Variants in EYS observed in about 807,000 individuals in gnomAD.
EYS encodes the protein EGF-like photoreceptor maintenance factor, also known as protein eyes shut homolog.
Under a neutral mutation model 282.1 loss-of-function variants are expected in EYS, and 250 were observed. The ratio of observed to expected loss-of-function variants is 0.89; its 90% confidence interval spans 0.80 to 0.98. EYS has a LOEUF of 0.98. EYS is among the 50% of genes least tolerant of loss of function. The probability of loss-of-function intolerance (pLI) is 0.00; values close to 1 mark genes in which losing one functional copy is unlikely to be tolerated. For missense variants in EYS, 4,016 were observed against 3,709.0 expected (o/e 1.08, Z -2.15); for synonymous variants, 1,355 against 1,282.9 (o/e 1.06, Z -1.20).
intron 35 of EYS, among the ~76,000 whole-genome samples, chr6:63,901,385 A>G (rs1773655323): frequency 6.6e-6 from 1 of 152,222 alleles, no homozygotes; most frequent in Non-Finnish European, 1.5e-5. Context: ...CGAGATGTAT[A>G]GGATAATATG....
chr6:65,416,806 CAA>C (rs1192271320), intron 5 of EYS, among the ~76,000 whole-genome samples: 5 of 152,038 alleles, frequency 3.3e-5, no homozygotes, highest in African/African-American at 1.2e-4. Context: ...ATAGGCAACA[CAA>C]AGACATCACC....
chr6:64,766,724 A>G (rs1773364779), intron 22 of EYS, among the ~76,000 whole-genome samples: 1 of 134,932 alleles, frequency 7.4e-6, no homozygotes, highest in East Asian at 2.1e-4. Context: ...CCACTGAGAA[A>G]CAAATACGAG....
chr6:64,862,976 A>T (rs143730082), intron 19 of EYS, among the ~76,000 whole-genome samples: 36 of 152,052 alleles, frequency 2.4e-4, no homozygotes, highest in Non-Finnish European at 4.7e-4. Flanking sequence ...GGAATTCTGG[A>T]TATGTTGTTT....
intron 12 of EYS, among the ~76,000 whole-genome samples, chr6:65,147,950 C>T (rs530396802): frequency 2.0e-4 from 31 of 152,114 alleles, no homozygotes; most frequent in African/African-American, 7.5e-4. Context: ...AACTCACTCA[C>T]TATCATGAGG....
At chr6:64,070,706 T>C (rs1207854744) in intron 32 of EYS, among the ~76,000 whole-genome samples, 2 of 152,090 alleles carry the variant, frequency 1.3e-5, no homozygotes, top group Non-Finnish European at 2.9e-5. Context: ...TACAGAATAT[T>C]AAAACTTGTA....
In EYS at chr6:64,684,489, C is replaced by T. The variant is rs77546114; in HGVS notation, c.3444-58244G>A. Among the ~76,000 whole-genome samples the T allele has an allele frequency of 3.4e-3, 509 of 151,886 alleles. 1 individual carries two copies. Among genetic ancestry groups the T allele is most frequent in the African/African-American group, 0.012 (479 of 41,436 alleles). On this transcript the variant is annotated intron_variant, in intron 22 of 42. Transcript: ENST00000503581. Reference sequence around the variant, plus strand: ...AAAACTACACTAAGAATAAAGAGCACCAGATATGGCAAATTTGTAGGTAAA... The same window carrying T: ...AAAACTACACTAAGAATAAAGAGCATCAGATATGGCAAATTTGTAGGTAAA...
chr6:64,842,555 C>A (rs1167362564), intron 19 of EYS, among the ~76,000 whole-genome samples: 1 of 151,794 alleles, frequency 6.6e-6, no homozygotes, highest in Admixed American at 6.6e-5. Context: ...CTTCTAGAGA[C>A]TTGTTGAATG....
intron 22 of EYS, among the ~76,000 whole-genome samples, chr6:64,784,391 GTTT>G (rs1378184490): frequency 6.6e-6 from 1 of 151,882 alleles, no homozygotes; most frequent in Admixed American, 6.6e-5. Flanking sequence ...GCTTTATTAA[GTTT>G]TTTTAAACCT....
chr6:64,859,902 T>C (rs1766181893), intron 19 of EYS, among the ~76,000 whole-genome samples: 1 of 152,208 alleles, frequency 6.6e-6, no homozygotes, highest in African/African-American at 2.4e-5. Flanking sequence ...AAATTTCAGC[T>C]TTCTTTTGAT....
chr6:65,089,215 C>T (rs995033201), intron 12 of EYS, among the ~76,000 whole-genome samples: 3 of 152,250 alleles, frequency 2.0e-5, no homozygotes, highest in Admixed American at 1.3e-4. Context: ...ATCCTCCAGA[C>T]CCCAGAATGG....
intron 26 of EYS, among the ~76,000 whole-genome samples, chr6:64,552,680 C>A (rs956994592): frequency 6.6e-6 from 1 of 152,036 alleles, no homozygotes; most frequent in South Asian, 2.1e-4. Flanking sequence ...TTTGGGAGGC[C>A]GAAGCTGACA....
intron 35 of EYS, among the ~76,000 whole-genome samples, chr6:63,948,712 T>C (rs889991821): frequency 1.3e-5 from 2 of 152,178 alleles, no homozygotes; most frequent in African/African-American, 4.8e-5. Context: ...AGTATTCTAT[T>C]AACTTGGTTC....
At chr6:64,669,993 A>G (rs1319783575) in intron 22 of EYS, among the ~76,000 whole-genome samples, 1 of 152,166 alleles carries the variant, frequency 6.6e-6, no homozygotes, top group Admixed American at 6.5e-5. Flanking sequence ...TTTGACATGT[A>G]AATCTTTTAA....
chr6:64,603,187 A>G (rs748541307), intron 24 of EYS, among the ~76,000 whole-genome samples: 8 of 152,020 alleles, frequency 5.3e-5, no homozygotes, highest in Non-Finnish European at 1.2e-4. Flanking sequence ...TAGGAAAAAA[A>G]GTGCTTACAG....
chr6:64,267,265 A>G (rs1301905412), intron 30 of EYS, among the ~76,000 whole-genome samples: 1 of 152,142 alleles, frequency 6.6e-6, no homozygotes, highest in African/African-American at 2.4e-5. Context: ...ACTGCTATTC[A>G]GTGGAGCCAG....
chr6:64,318,717 T>C (rs1770078458), intron 29 of EYS, among the ~76,000 whole-genome samples: 1 of 151,754 alleles, frequency 6.6e-6, no homozygotes, highest in Non-Finnish European at 1.5e-5. Flanking sequence ...TTTTAAAACT[T>C]ATTTTAAAAT....
At chr6:63,851,196 G>C (rs1001967373) in intron 36 of EYS, among the ~76,000 whole-genome samples, 3 of 152,180 alleles carry the variant, frequency 2.0e-5, no homozygotes, top group Non-Finnish European at 2.9e-5. Context: ...GACCTACAAA[G>C]AGACTTAGAT....
chr6:65,333,883 C>T lies in EYS; in HGVS notation c.1766+1097G>A, dbSNP rs115688957. On this transcript the variant is annotated intron_variant, in intron 11 of 42. Coordinates refer to ENST00000503581, the MANE Select transcript of EYS (RefSeq NM_001142800.2). ...TTTCCCTGATGTTAGTATAGGCACT[C>T]CAGTTTTCTTCTTGATGCAGTTTGA... Among the ~76,000 whole-genome samples, 724 of 151,312 alleles carry T rather than the reference C, an allele frequency of 4.8e-3. 5 individuals carry two copies. Among genetic ancestry groups the T allele is most frequent in the African/African-American group, 0.016 (663 of 41,346 alleles).
intron 41 of EYS, among the ~76,000 whole-genome samples, chr6:63,755,170 GC>G (rs899931121): frequency 1.1e-4 from 16 of 151,978 alleles, no homozygotes; most frequent in African/African-American, 3.9e-4. Flanking sequence ...AGTTTCTTTT[GC>G]CGTGCAGAAA....
Sources: allele counts gnomAD v4.1 joint callset (sites outside exome capture counted in the v4.1 genomes callset), GRCh38; gene constraint gnomAD v4.1.1; transcripts MANE v1.5; gene names NCBI Gene and HGNC (gene_info 2026-07-23, HGNC 2026-07-21).